FKBP5: variants seen among roughly 807,000 people sequenced by gnomAD.
FKBP5 encodes the protein FKBP prolyl isomerase 5, also known as peptidyl-prolyl cis-trans isomerase FKBP5.
A neutral mutation model predicts 50.5 loss-of-function variants in FKBP5; 23 were observed. That is an observed-to-expected ratio of 0.46 (90% CI 0.33 to 0.65). FKBP5 has a LOEUF of 0.65. Among genes scored for constraint, FKBP5 ranks in the 30% least tolerant of loss-of-function variants. FKBP5 has a pLI of 0.02. For synonymous variants in FKBP5, 176 were observed against 190.6 expected, an observed-to-expected ratio of 0.92 and a Z score of 0.63; for missense variants, 411 against 553.1, an observed-to-expected ratio of 0.74 and a Z score of 2.58.
intron 3 of FKBP5, among the ~76,000 whole-genome samples, chr6:35,636,582 G>C (rs1010096971): frequency 6.6e-6 from 1 of 152,100 alleles, no homozygotes; most frequent in African/African-American, 2.4e-5. Context: ...TCAAAGATTG[G>C]GTTTCAATAA....
intron 9 of FKBP5, among the ~76,000 whole-genome samples, chr6:35,579,146 A>ACACG (rs1316721552): frequency 6.7e-6 from 1 of 149,226 alleles, no homozygotes; most frequent in Admixed American, 6.6e-5. Flanking sequence ...CAAAACACAC[A>ACACG]CACGCGCGCG....
At position 35,701,997 on chromosome 6, in the gene FKBP5, G is replaced by A. The variant is rs190633647; in HGVS notation, c.-20+18331C>T. On this transcript the variant is annotated intron_variant, in intron 2 of 11. Transcript: ENST00000536438. ...CAAGTAGCTGGGATTACAAGTGTGCGCCACCACACCCAGCTAATTTGTGTA... is the reference window on the plus strand; with the variant it reads ...CAAGTAGCTGGGATTACAAGTGTGCACCACCACACCCAGCTAATTTGTGTA... Among the ~76,000 whole-genome samples, 1,070 of 152,104 alleles carry A rather than the reference G, an allele frequency of 7.0e-3. 11 individuals carry two copies. The highest frequency in any genetic ancestry group is 0.022 in the African/African-American group (923 of 41,472).
intron 3 of FKBP5, among the ~76,000 whole-genome samples, chr6:35,623,782 A>G (rs1763918046): frequency 6.8e-6 from 1 of 147,642 alleles, no homozygotes; most frequent in Non-Finnish European, 1.5e-5. Flanking sequence ...CAGTCTCACC[A>G]TGTTGCCCAG....
chr6:35,697,906 G>A (rs1167768297), intron 2 of FKBP5, among the ~76,000 whole-genome samples: 1 of 152,212 alleles, frequency 6.6e-6, no homozygotes, highest in Non-Finnish European at 1.5e-5. Context: ...CAATAAAGCT[G>A]TTAATAAAAA....
intron 1 of FKBP5, among the ~76,000 whole-genome samples, chr6:35,687,881 C>T (rs776611742): frequency 6.6e-6 from 1 of 152,220 alleles, no homozygotes; most frequent in Non-Finnish European, 1.5e-5. Flanking sequence ...GATGGTCCTG[C>T]CGGTTCGTTA....
chr6:35,575,663 C>T lies in FKBP5; in HGVS notation c.*172G>A, dbSNP rs78178707. ...CCCGTGCCACCCCTCAGTGAACCCT[C>T]CGGGCAGCAGCAGGGGGGCTGTTTT... On this transcript the variant is annotated 3_prime_UTR_variant, in exon 11 of 11. Transcript: ENST00000357266. 1.1e-3 allele frequency: 654 copies of T among 611,334 alleles called. 3 individuals carry two copies. The East Asian group carries it at 0.012, about 11-fold the overall frequency. The allele number at this position is 611,334 out of a possible 1,614,324, so 37.9% of individuals were successfully genotyped here.
chr6:35,692,790 CAA>C (rs71002588), upstream of FKBP5, among the ~76,000 whole-genome samples: 10 of 105,594 alleles, frequency 9.5e-5, no homozygotes, highest in Admixed American at 2.1e-4. Flanking sequence ...GACTCTGTCT[CAA>C]AAAAAAAAAA....
At chr6:35,618,578 G>A (rs187722475) in intron 5 of FKBP5, among the ~76,000 whole-genome samples, 3 of 152,268 alleles carry the variant, frequency 2.0e-5, no homozygotes, top group Admixed American at 2.0e-4. Flanking sequence ...GCCTCACTAT[G>A]CTGTCCTGGC....
chr6:35,584,603 T>C (rs1762544462), intron 8 of FKBP5: 1 of 985,320 alleles, frequency 1.0e-6, no homozygotes, highest in Non-Finnish European at 1.2e-6. Flanking sequence ...TTTTGAAGTT[T>C]TACAGCTAAC....
chr6:35,588,659 G>T (rs1561846162), intron 7 of FKBP5, among the ~76,000 whole-genome samples: 1 of 151,848 alleles, frequency 6.6e-6, no homozygotes, highest in Non-Finnish European at 1.5e-5. Context: ...GGAGTGCAGT[G>T]GCACGATCGC....
At chr6:35,703,928 T>TGC (rs1234171903) in intron 2 of FKBP5, among the ~76,000 whole-genome samples, 2 of 152,228 alleles carry the variant, frequency 1.3e-5, no homozygotes, top group African/African-American at 4.8e-5. Flanking sequence ...GCATCAGTGT[T>TGC]CAGCAATGGT....
rs145612467 is a variant in FKBP5, at chr6:35,666,116, C to T, written c.-20+22688G>A. On this transcript the variant is annotated intron_variant, in intron 1 of 10. Coordinates refer to ENST00000357266, the MANE Select transcript of FKBP5 (RefSeq NM_004117.4). Reference sequence around the variant, plus strand: ...TATATATTACCTAATGTATCATCTTCTGAACATCTCAAGCTACTATGACAA... The same window carrying T: ...TATATATTACCTAATGTATCATCTTTTGAACATCTCAAGCTACTATGACAA... 7.1e-3 allele frequency among the ~76,000 whole-genome samples: 1,077 copies of T among 152,128 alleles called. 12 individuals are homozygous for T. The highest frequency in any genetic ancestry group is 0.022 in the African/African-American group (930 of 41,488).
chr6:35,599,583 T>C (rs1471124770), intron 5 of FKBP5, among the ~76,000 whole-genome samples: 2 of 152,214 alleles, frequency 1.3e-5, no homozygotes, highest in Non-Finnish European at 2.9e-5. Context: ...CCAGTATTAA[T>C]ACCATCTTGA....
chr6:35,591,273 C>G, intron 6 of FKBP5, 53 bp from the exon 7 acceptor site: 1 of 1,234,740 alleles, frequency 8.1e-7, no homozygotes, highest in Non-Finnish European at 1.2e-6. Context: ...TATTTCCAGG[C>G]ACTTCCTTCA....
At chr6:35,586,634 T>C (rs1273167465) in intron 8 of FKBP5, 4 of 998,944 alleles carry the variant, frequency 4.0e-6, no homozygotes, top group Non-Finnish European at 4.8e-6. Flanking sequence ...GAAAGAAAAA[T>C]GATGTGAAAC....
intron 5 of FKBP5, among the ~76,000 whole-genome samples, chr6:35,598,460 T>C (rs1168906473): frequency 6.6e-6 from 1 of 151,680 alleles, no homozygotes; most frequent in Non-Finnish European, 1.5e-5. Context: ...TGACCTCAGG[T>C]GATCCACCCG....
intron 2 of FKBP5, among the ~76,000 whole-genome samples, chr6:35,700,994 TA>T (rs1334889535): frequency 6.6e-6 from 1 of 152,006 alleles, no homozygotes; most frequent in African/African-American, 2.4e-5. Flanking sequence ...TAAAAAAATT[TA>T]AAAATAGGAT....
At chr6:35,694,977 A>T (rs568794512) in intron 2 of FKBP5, among the ~76,000 whole-genome samples, 1 of 152,336 alleles carries the variant, frequency 6.6e-6, no homozygotes, top group South Asian at 2.1e-4. Flanking sequence ...TAATAAATAA[A>T]CAAATGGCAT....
chr6:35,677,312 A>G (rs952080787), intron 1 of FKBP5, among the ~76,000 whole-genome samples: 1 of 152,110 alleles, frequency 6.6e-6, no homozygotes, highest in Non-Finnish European at 1.5e-5. Context: ...TGACCTTGTG[A>G]TCCGCCCGCC....
Sources: gnomAD v4.1 joint callset for allele counts (sites outside exome capture counted in the v4.1 genomes callset) on GRCh38, gnomAD v4.1.1 for gene constraint, MANE v1.5 for transcripts, NCBI Gene and HGNC (gene_info 2026-07-23, HGNC 2026-07-21) for gene names.